Variants in PRDM16 observed in about 807,000 individuals in gnomAD.
PRDM16 encodes the protein histone-lysine N-methyltransferase PRDM16.
A neutral mutation model predicts 110.6 loss-of-function variants in PRDM16; 23 were observed. That is an observed-to-expected ratio of 0.21 (90% CI 0.15 to 0.29). The LOEUF (loss-of-function observed/expected upper bound fraction) is 0.29, where lower values mean the gene tolerates loss of function less well. Ranked by LOEUF, PRDM16 falls within the 10% of genes least tolerant of loss-of-function variation. The pLI, the probability that PRDM16 is intolerant of heterozygous loss-of-function variation, is 1.00. For missense variants in PRDM16, 1,615 were observed against 1,794.3 expected, an observed-to-expected ratio of 0.90 and a Z score of 1.81; for synonymous variants, 799 against 781.8, an observed-to-expected ratio of 1.02 and a Z score of -0.37.
At chr1:3,180,863 C>T (rs1429886717) in intron 1 of PRDM16, among the ~76,000 whole-genome samples, 7 of 148,846 alleles carry the variant, frequency 4.7e-5, no homozygotes, top group South Asian at 2.1e-4. Context: ...GTCTTACGCA[C>T]GGCCTTACAC....
intron 1 of PRDM16, among the ~76,000 whole-genome samples, chr1:3,176,035 C>T (rs1339857358): frequency 4.8e-5 from 5 of 104,074 alleles, no homozygotes; most frequent in South Asian, 3.1e-4. Context: ...ATCTATCCAC[C>T]CATCCATCCC....
chr1:3,293,847 C>T (rs531264463), intron 3 of PRDM16, among the ~76,000 whole-genome samples: 18 of 152,268 alleles, frequency 1.2e-4, no homozygotes, highest in African/African-American at 4.1e-4. Flanking sequence ...CTTGGAGAGG[C>T]GATGGCGTGG....
intron 3 of PRDM16, among the ~76,000 whole-genome samples, chr1:3,312,842 T>A (rs1005937969): frequency 1.3e-5 from 2 of 152,258 alleles, no homozygotes; most frequent in African/African-American, 2.4e-5. Context: ...TTTGAACACT[T>A]GTGATCCTAA....
Position 3,438,304 on chromosome 1 carries a change from C to A in PRDM16, c.*4493C>A, listed in dbSNP as rs1319304713. 1 of 201,180 alleles carries A rather than the reference C, an allele frequency of 5.0e-6. No individual in the cohort carries two copies. The allele number at this position is 201,180 out of a possible 1,614,324, so 12.5% of individuals were successfully genotyped here. On this transcript the variant is annotated 3_prime_UTR_variant, in exon 17 of 17. Coordinates refer to ENST00000270722, the MANE Select transcript of PRDM16 (RefSeq NM_022114.4). ...TTGAATATGTGATTAGGATCTACGT[C>A]TGAGACTAGGAGTCCTGAACTGCTG...
At chr1:3,348,817 G>T (rs1642417787) in intron 3 of PRDM16, among the ~76,000 whole-genome samples, 1 of 152,172 alleles carries the variant, frequency 6.6e-6, no homozygotes, top group Non-Finnish European at 1.5e-5. Context: ...CTCTCCCAAA[G>T]AGCTCAGAGC....
At chr1:3,368,298 C>G (rs1642851317) in intron 3 of PRDM16, among the ~76,000 whole-genome samples, 2 of 152,222 alleles carry the variant, frequency 1.3e-5, no homozygotes, top group Admixed American at 1.3e-4. Context: ...GCTCCGACAC[C>G]TCTGTCTGGA....
At chr1:3,074,044 G>A (rs892456124) in intron 1 of PRDM16, among the ~76,000 whole-genome samples, 1 of 152,196 alleles carries the variant, frequency 6.6e-6, no homozygotes, top group African/African-American at 2.4e-5. Flanking sequence ...GAGGGAAGAC[G>A]GTGCAGAGAA....
chr1:3,427,664 G>A (rs1210848074), intron 14 of PRDM16, among the ~76,000 whole-genome samples: 6 of 152,134 alleles, frequency 3.9e-5, no homozygotes, highest in Non-Finnish European at 7.4e-5. Context: ...TTCCAAATCT[G>A]TGCCCCTCCT....
chr1:3,087,240 A>AC (rs1642171069), intron 1 of PRDM16, among the ~76,000 whole-genome samples: 2 of 110,570 alleles, frequency 1.8e-5, no homozygotes, highest in African/African-American at 7.4e-5. Flanking sequence ...GACCAGCCCC[A>AC]CCGGAGACCA....
Position 3,426,024 on chromosome 1 carries a change from C to T in PRDM16, c.3110-27C>T, listed in dbSNP as rs376769799. The T allele has an allele frequency of 2.5e-5, 40 of 1,596,750 alleles. No homozygotes were observed. In the African/African-American group the frequency reaches 4.8e-4, roughly 19 times the overall value. On this transcript the variant is annotated intron_variant, in intron 13 of 16. Transcript: ENST00000270722. ...GAGGGAGGGGTCCAGCGAGAGGCCG[C>T]CCCCTGATGCTCCCGCCCCTCCGCA...
intron 3 of PRDM16, among the ~76,000 whole-genome samples, chr1:3,281,630 A>G (rs1640713164): frequency 6.6e-6 from 1 of 152,024 alleles, no homozygotes; most frequent in Non-Finnish European, 1.5e-5. Context: ...AGCTATGATC[A>G]GACTGATGTT....
intron 1 of PRDM16, among the ~76,000 whole-genome samples, chr1:3,072,575 C>T (rs536263568): frequency 1.3e-5 from 2 of 152,188 alleles, no homozygotes; most frequent in African/African-American, 2.4e-5. Context: ...TAGAGGTAAG[C>T]GGGGCTGGCG....
chr1:3,329,056 C>CCCTTCTCCCTGGGCT (rs1641986458), intron 3 of PRDM16, among the ~76,000 whole-genome samples: 1 of 152,086 alleles, frequency 6.6e-6, no homozygotes. Context: ...CTCCCTGGGC[C>CCCTTCTCCCTGGGCT]CCTCCTAGGA....
chr1:3,405,406 G>T lies in PRDM16; in HGVS notation c.1033-89G>T. 9 of 1,388,296 alleles carry T rather than the reference G, an allele frequency of 6.5e-6. No individual in the cohort carries two copies. The South Asian group carries it at 1.4e-4, about 21-fold the overall frequency. 86.0% of individuals were successfully genotyped at this position (1,388,296 alleles called of 1,614,324 possible). On this transcript the variant is annotated intron_variant, in intron 7 of 16. Transcript: ENST00000270722. The stretch of plus-strand genomic sequence containing the variant: ...TGGCAAGAGAGACAGGCAGGGCCCT[G>T]CCCCCCACAGCCGGTTGGTCCGCCA...
At chr1:3,343,504 CT>C (rs368240584) in intron 3 of PRDM16, among the ~76,000 whole-genome samples, 48 of 146,760 alleles carry the variant, frequency 3.3e-4, no homozygotes, top group Non-Finnish European at 2.4e-4. Context: ...TTTGTTCAGA[CT>C]TTTTTTTTTT....
chr1:3,196,972 G>C (rs920150880), intron 2 of PRDM16, among the ~76,000 whole-genome samples: 6 of 152,196 alleles, frequency 3.9e-5, no homozygotes, highest in Non-Finnish European at 8.8e-5. Context: ...CTGTTGCCCA[G>C]GGGGGTCTGT....
At chr1:3,317,262 C>T (rs1641630234) in intron 3 of PRDM16, among the ~76,000 whole-genome samples, 1 of 152,176 alleles carries the variant, frequency 6.6e-6, no homozygotes, top group Admixed American at 6.5e-5. Context: ...AACAAGGGAC[C>T]TTGGAGACCT....
intron 3 of PRDM16, among the ~76,000 whole-genome samples, chr1:3,327,108 A>G (rs975872192): frequency 3.9e-5 from 6 of 152,110 alleles, no homozygotes; most frequent in African/African-American, 7.2e-5. Context: ...CAAAACTAAC[A>G]TTGGGAAGTG....
At chr1:3,234,391 A>G (rs1639491751) in intron 2 of PRDM16, among the ~76,000 whole-genome samples, 1 of 152,180 alleles carries the variant, frequency 6.6e-6, no homozygotes, top group South Asian at 2.1e-4. Flanking sequence ...GCTCAGGTCC[A>G]TCCTCAACTC....
Sources: allele counts gnomAD v4.1 joint callset (sites outside exome capture counted in the v4.1 genomes callset), GRCh38; gene constraint gnomAD v4.1.1; transcripts MANE v1.5; gene names NCBI Gene and HGNC (gene_info 2026-07-23, HGNC 2026-07-21).